FNDC3A: variants seen among roughly 807,000 people sequenced by gnomAD.
The protein encoded by FNDC3A is fibronectin type-III domain-containing protein 3A.
Under a neutral mutation model 148.9 loss-of-function variants are expected in FNDC3A, and 32 were observed. The ratio of observed to expected loss-of-function variants is 0.21; its 90% confidence interval spans 0.16 to 0.29. The LOEUF (loss-of-function observed/expected upper bound fraction) is 0.29. FNDC3A is among the 10% of genes least tolerant of loss of function. The pLI, the probability that FNDC3A is intolerant of heterozygous loss-of-function variation, is 1.00. For synonymous variants in FNDC3A, 472 were observed against 473.6 expected (o/e 1.00, Z 0.04); for missense variants, 1,191 against 1,452.8 (o/e 0.82, Z 2.93).
rs529971139 is a variant in FNDC3A at position 49,161,385 on chromosome 13, G to T, written c.978-5859G>T. 1.8e-4 allele frequency among the ~76,000 whole-genome samples: 28 copies of T among 152,248 alleles called. 1 individual carries two copies. In the South Asian group the frequency reaches 5.8e-3, roughly 32 times the overall value. ...TGGCCTTGTCTCTTGACCTTTGTTG[G>T]TTTAAAGTCGGTTTTATTGGAGACT... On this transcript the variant is annotated intron_variant, in intron 8 of 25. Coordinates refer to ENST00000492622, the MANE Select transcript of FNDC3A (RefSeq NM_001079673.2).
intron 12 of FNDC3A, 79 bp from the exon 13 acceptor site, chr13:49,175,288 A>C: frequency 9.8e-7 from 1 of 1,019,676 alleles, no homozygotes. Context: ...TTTTCCAAAA[A>C]AATTACATCT....
chr13:48,983,898 AG>A (rs903822690), intron 1 of FNDC3A, among the ~76,000 whole-genome samples: 1 of 152,178 alleles, frequency 6.6e-6, no homozygotes, highest in Non-Finnish European at 1.5e-5. Context: ...CTGTAAATAA[AG>A]GGGGGAAATG....
intron 14 of FNDC3A, among the ~76,000 whole-genome samples, chr13:49,181,145 G>A (rs1216929805): frequency 1.3e-5 from 2 of 152,154 alleles, no homozygotes; most frequent in East Asian, 3.8e-4. Flanking sequence ...AATTTCAGGG[G>A]AGGGAGAAGT....
At chr13:49,102,100 A>G (rs917988708) in intron 3 of FNDC3A, among the ~76,000 whole-genome samples, 7 of 151,692 alleles carry the variant, frequency 4.6e-5, no homozygotes, top group South Asian at 2.1e-4. Context: ...AGCCTCCCCA[A>G]ATGCTGGGAT....
At chr13:49,179,874 A>G (rs960768212) in intron 14 of FNDC3A, among the ~76,000 whole-genome samples, 3 of 152,188 alleles carry the variant, frequency 2.0e-5, no homozygotes, top group African/African-American at 7.2e-5. Context: ...GGATCCTTTT[A>G]GTGGACAGTG....
chr13:49,205,168 C>T (rs577949521), intron 25 of FNDC3A, among the ~76,000 whole-genome samples: 1 of 152,128 alleles, frequency 6.6e-6, no homozygotes, highest in Admixed American at 6.5e-5. Flanking sequence ...AAATTTCCAA[C>T]TAGTGTAATT....
chr13:49,190,788 A>G lies in FNDC3A; in HGVS notation c.1945-227A>G, dbSNP rs777582393. Among the ~76,000 whole-genome samples, 110 of 152,212 alleles carry G rather than the reference A, an allele frequency of 7.2e-4. 1 individual carries two copies. The highest frequency in any genetic ancestry group is 7.2e-4 in the Non-Finnish European group (49 of 68,032). ...TCTTTTTCAGTAACTTGCTTTGTAT[A>G]TAGTAGTTGCACAGTACATGTCTTT... On this transcript the variant is annotated intron_variant, in intron 17 of 25. Transcript: ENST00000492622.
In FNDC3A at chr13:49,161,498, C is replaced by T. The variant is rs1200850682; in HGVS notation, c.978-5746C>T. 6.6e-5 allele frequency among the ~76,000 whole-genome samples: 10 copies of T among 152,094 alleles called. No homozygotes were observed. The South Asian group carries it at 2.1e-3, about 32-fold the overall frequency. Reference sequence around the variant, plus strand: ...TATTTTGAGCCTGTGTGTGTGTCTGCATGTATTCAGCAGATGGGACCCCTG... The same window carrying T: ...TATTTTGAGCCTGTGTGTGTGTCTGTATGTATTCAGCAGATGGGACCCCTG... On this transcript the variant is annotated intron_variant, in intron 8 of 25. Coordinates refer to ENST00000492622, the MANE Select transcript of FNDC3A (RefSeq NM_001079673.2).
Position 49,198,379 on chromosome 13 carries a change from T to G in FNDC3A, c.2792T>G (p.Leu931Trp). 1.9e-6 allele frequency: 3 copies of G among 1,614,176 alleles called. No homozygotes were observed. The highest frequency in any genetic ancestry group is 2.5e-6 in the Non-Finnish European group (3 of 1,179,996). ...DTTYRIRIQA[L>W]NSLGAGPFSH... Reference sequence around the variant, plus strand: ...GCACTTAGAATACGAATTCAAGCCTTGAATAGCCTTGGAGCTGGTCCTTTC... The same window carrying G: ...GCACTTAGAATACGAATTCAAGCCTGGAATAGCCTTGGAGCTGGTCCTTTC... Residue 931 changes from leucine to tryptophan, a missense_variant, in exon 23 of 26, where the codon TTG (leucine) becomes TGG (tryptophan). By Grantham distance (61) the Leu-to-Trp change is moderately conservative. Coordinates refer to ENST00000492622, the MANE Select transcript of FNDC3A (RefSeq NM_001079673.2).
chr13:49,097,943 T>C (rs1566248083), intron 3 of FNDC3A, among the ~76,000 whole-genome samples: 1 of 152,090 alleles, frequency 6.6e-6, no homozygotes, highest in African/African-American at 2.4e-5. Flanking sequence ...ATCAAAGTGA[T>C]ATTTTGTCAA....
intron 1 of FNDC3A, among the ~76,000 whole-genome samples, chr13:49,004,473 G>C (rs1398190268): frequency 6.6e-6 from 1 of 151,926 alleles, no homozygotes; most frequent in Non-Finnish European, 1.5e-5. Flanking sequence ...ATTTTAAAAA[G>C]GTAATACCTT....
Position 49,034,871 on chromosome 13 carries a change from C to T in FNDC3A, c.99+28582C>T, listed in dbSNP as rs557786770. 4.6e-4 allele frequency among the ~76,000 whole-genome samples: 70 copies of T among 152,040 alleles called. 1 individual carries two copies. In the South Asian group the frequency reaches 6.6e-3, roughly 14 times the overall value. ...TCCTAAAATGAACAAAGTAAATGAG[C>T]ATGAAAGTGCTTGATTAACAATAAA... is the stretch of plus-strand genomic sequence containing the variant. On this transcript the variant is annotated intron_variant, in intron 2 of 25. Coordinates refer to ENST00000492622, the MANE Select transcript of FNDC3A (RefSeq NM_001079673.2).
At chr13:49,073,287 T>A (rs1317648788) in intron 2 of FNDC3A, among the ~76,000 whole-genome samples, 1 of 152,104 alleles carries the variant, frequency 6.6e-6, no homozygotes. Context: ...TACAAATCAT[T>A]AAAAACACTT....
At chr13:49,077,348 A>G (rs899988197) in intron 3 of FNDC3A, among the ~76,000 whole-genome samples, 5 of 152,230 alleles carry the variant, frequency 3.3e-5, no homozygotes, top group Admixed American at 1.3e-4. Context: ...ACTGGAATAC[A>G]GTGAAAGAAC....
At chr13:49,013,685 G>A (rs1213455856) in intron 2 of FNDC3A, among the ~76,000 whole-genome samples, 5 of 150,162 alleles carry the variant, frequency 3.3e-5, no homozygotes, top group Non-Finnish European at 5.9e-5. Context: ...CCATGCTGGT[G>A]CGCTGCACCC....
chr13:49,013,013 T>C (rs2137616112), intron 2 of FNDC3A, among the ~76,000 whole-genome samples: 1 of 152,282 alleles, frequency 6.6e-6, no homozygotes, highest in South Asian at 2.1e-4. Context: ...ATGTATATTC[T>C]TTCTAAGATC....
At chr13:49,028,751 A>C (rs1566201266) in intron 2 of FNDC3A, among the ~76,000 whole-genome samples, 1 of 152,218 alleles carries the variant, frequency 6.6e-6, no homozygotes, top group Admixed American at 6.5e-5. Context: ...ATAATGATTG[A>C]CAGAATTGAT....
chr13:49,053,245 C>T (rs942828094), intron 2 of FNDC3A, among the ~76,000 whole-genome samples: 4 of 152,148 alleles, frequency 2.6e-5, no homozygotes, highest in African/African-American at 4.8e-5. Flanking sequence ...TGGATTCTCC[C>T]GGCTTTCTTA....
intron 14 of FNDC3A, among the ~76,000 whole-genome samples, chr13:49,184,923 A>G (rs1885488770): frequency 6.7e-6 from 1 of 150,276 alleles, no homozygotes; most frequent in African/African-American, 2.4e-5. Context: ...GGTGGGCAGC[A>G]CAGAGAAGAG....
Sources: allele counts gnomAD v4.1 joint callset (sites outside exome capture counted in the v4.1 genomes callset), GRCh38; gene constraint gnomAD v4.1.1; transcripts MANE v1.5; gene names NCBI Gene and HGNC (gene_info 2026-07-23, HGNC 2026-07-21).